RASSF2: variants seen among roughly 807,000 people sequenced by gnomAD.
The protein encoded by RASSF2 is Ras association domain family member 2.
Under a neutral mutation model 46.3 loss-of-function variants are expected in RASSF2, and 34 were observed. That is an observed-to-expected ratio of 0.73 (90% CI 0.56 to 0.98). RASSF2 has a LOEUF of 0.98. Ranked by LOEUF, RASSF2 falls within the 50% of genes least tolerant of loss-of-function variation. The pLI, the probability that RASSF2 is intolerant of heterozygous loss-of-function variation, is 0.00. For missense variants in RASSF2, 364 were observed against 431.2 expected, an observed-to-expected ratio of 0.84 and a Z score of 1.38; for synonymous variants, 158 against 162.5, an observed-to-expected ratio of 0.97 and a Z score of 0.21.
At chr20:4,804,101 T>C (rs1216336239) in intron 2 of RASSF2, among the ~76,000 whole-genome samples, 1 of 151,952 alleles carries the variant, frequency 6.6e-6, no homozygotes, top group Non-Finnish European at 1.5e-5. Context: ...TAAAAATAAA[T>C]GTACTTTAAG....
intron 3 of RASSF2, among the ~76,000 whole-genome samples, chr20:4,800,003 C>T (rs1298046110): frequency 6.6e-6 from 1 of 151,948 alleles, no homozygotes; most frequent in African/African-American, 2.4e-5. Flanking sequence ...TCCCAGCTAC[C>T]TGGGAGGTTG....
At chr20:4,785,207 C>T (rs535225838) in intron 11 of RASSF2, among the ~76,000 whole-genome samples, 84 of 150,308 alleles carry the variant, frequency 5.6e-4, no homozygotes, top group African/African-American at 1.8e-3. Flanking sequence ...GATATGGTGG[C>T]GCATGCCTGT....
At chr20:4,801,136 G>A in intron 2 of RASSF2, 74 bp from the exon 3 acceptor site, 2 of 1,188,822 alleles carry the variant, frequency 1.7e-6, no homozygotes, top group South Asian at 2.5e-5. Context: ...TTGGGGTGGG[G>A]AGGGGGCACA....
chr20:4,801,106 G>T, intron 2 of RASSF2, 44 bp from the exon 3 acceptor site: 1 of 1,517,208 alleles, frequency 6.6e-7, no homozygotes, highest in Non-Finnish European at 9.1e-7. Context: ...CAAGTTGTGT[G>T]CTTGGGAACT....
intron 3 of RASSF2, among the ~76,000 whole-genome samples, chr20:4,798,293 T>C (rs1185408121): frequency 6.6e-6 from 1 of 151,444 alleles, no homozygotes; most frequent in Non-Finnish European, 1.5e-5. Context: ...AAGTCAAGAG[T>C]GAGCACCACC....
chr20:4,810,654 A>G (rs563007338), intron 2 of RASSF2, among the ~76,000 whole-genome samples: 1 of 152,328 alleles, frequency 6.6e-6, no homozygotes, highest in South Asian at 2.1e-4. Context: ...CCAGGGTGAG[A>G]GAGGGGAAGA....
chr20:4,785,674 C>A (rs1246979479), intron 11 of RASSF2, among the ~76,000 whole-genome samples: 1 of 152,146 alleles, frequency 6.6e-6, no homozygotes, highest in Non-Finnish European at 1.5e-5. Context: ...GCTAAGACAG[C>A]CTTCCTGAAA....
chr20:4,808,116 T>C (rs117752345), intron 2 of RASSF2, among the ~76,000 whole-genome samples: 481 of 152,294 alleles, frequency 3.2e-3, no homozygotes, highest in Non-Finnish European at 4.3e-3. Flanking sequence ...TTCAATTGGA[T>C]TCAACTGGAC....
At chr20:4,807,593 T>C (rs528278658) in intron 2 of RASSF2, among the ~76,000 whole-genome samples, 1 of 152,306 alleles carries the variant, frequency 6.6e-6, no homozygotes, top group African/African-American at 2.4e-5. Context: ...ACTTACCAGA[T>C]TGATACACAT....
intron 11 of RASSF2, among the ~76,000 whole-genome samples, chr20:4,785,254 A>G (rs1393650489): frequency 6.6e-6 from 1 of 152,074 alleles, no homozygotes; most frequent in Non-Finnish European, 1.5e-5. Flanking sequence ...CGGGAGAATC[A>G]CTTGAGTCTG....
chr20:4,789,690 A>G lies in RASSF2; in HGVS notation c.545T>C (p.Val182Ala). The G allele has an allele frequency of 6.2e-7, 1 of 1,613,980 alleles. No homozygotes were observed. Among genetic ancestry groups the G allele is most frequent in the Non-Finnish European group, 8.5e-7 (1 of 1,179,944 alleles). Residue 182 changes from valine to alanine, a missense_variant, in exon 8 of 12, where the codon GTG becomes GCG. Transcript: ENST00000379400. ...GACAGAGCCATAGGCTGGTGTGAACACGGATGTCTGTCAATAGAAGGGCCC... is the reference window on the plus strand; with the variant it reads ...GACAGAGCCATAGGCTGGTGTGAACGCGGATGTCTGTCAATAGAAGGGCCC... ...NGHFYNHKTSVFTPAYGSVTN... is the reference protein window; with the variant it reads ...NGHFYNHKTSAFTPAYGSVTN...
At chr20:4,792,776 C>A in intron 5 of RASSF2, 149 bp from the exon 6 acceptor site, 2 of 1,430,194 alleles carry the variant, frequency 1.4e-6, no homozygotes, top group Non-Finnish European at 1.8e-6. Context: ...ATGAAGGGTG[C>A]AGATGGGCTG....
At chr20:4,787,563 C>T in intron 10 of RASSF2, 70 bp downstream of exon 10, 1 of 1,597,608 alleles carries the variant, frequency 6.3e-7, no homozygotes, top group South Asian at 1.1e-5. Flanking sequence ...ATTCTATACC[C>T]CAGTTACAGG....
At chr20:4,806,384 C>T (rs1249968077) in intron 2 of RASSF2, among the ~76,000 whole-genome samples, 2 of 152,222 alleles carry the variant, frequency 1.3e-5, no homozygotes, top group African/African-American at 2.4e-5. Flanking sequence ...ACACTGGAGT[C>T]TTTCCTCAGC....
rs375259522 is a variant in RASSF2 at position 4,817,142 on chromosome 20, G to A, written c.-33+5187C>T. ...TATATCATATTCTTCCACGTTAATA[G>A]CTACACACCTGCAGCCTATGTTTTT... On this transcript the variant is annotated intron_variant, in intron 2 of 11. Coordinates refer to ENST00000379400, the MANE Select transcript of RASSF2 (RefSeq NM_014737.3). Among the ~76,000 whole-genome samples the A allele has an allele frequency of 5.4e-4, 82 of 152,230 alleles. 2 individuals carry two copies. The South Asian group carries it at 0.016, about 29-fold the overall frequency.
At chr20:4,800,756 C>T (rs947191146) in intron 3 of RASSF2, among the ~76,000 whole-genome samples, 2 of 152,126 alleles carry the variant, frequency 1.3e-5, no homozygotes, top group African/African-American at 4.8e-5. Flanking sequence ...CTTTACTTCA[C>T]CTCCAGGCCA....
In RASSF2 at chr20:4,782,055, A is replaced by C. The variant is rs2422973; in HGVS notation, c.*2218T>G. On this transcript the variant is annotated 3_prime_UTR_variant, in exon 12 of 12. Coordinates refer to ENST00000379400, the MANE Select transcript of RASSF2 (RefSeq NM_014737.3). ...GTTGTGTGAGATGGGATCTCCTCTC[A>C]CTTCCACCTCCTGACCTCCCATCTT... is the stretch of plus-strand genomic sequence containing the variant. 37 of 152,252 alleles carry C rather than the reference A, an allele frequency of 2.4e-4. No individual in the cohort carries two copies. The highest frequency in any genetic ancestry group is 8.7e-4 in the African/African-American group (36 of 41,518). The allele number at this position is 152,252 out of a possible 1,614,324, so 9.4% of individuals were successfully genotyped here. A position where few individuals can be genotyped will look rare whatever the true frequency, so the allele number is the denominator to read the frequency against.
At chr20:4,799,061 C>G (rs566714602) in intron 3 of RASSF2, among the ~76,000 whole-genome samples, 1 of 152,134 alleles carries the variant, frequency 6.6e-6, no homozygotes, top group Admixed American at 6.5e-5. Context: ...ACAGAAAGTT[C>G]AAAATGGAGT....
rs1308990585 is a variant in RASSF2 at position 4,780,083 on chromosome 20, A to C, written c.*4190T>G. The C allele has an allele frequency of 6.6e-6, 1 of 152,524 alleles. No homozygotes were observed. The highest frequency in any genetic ancestry group is 2.4e-5 in the African/African-American group (1 of 41,436). 9.4% of individuals were successfully genotyped at this position (152,524 alleles called of 1,614,324 possible). ...AGTCAGATGCATTAAAACATATCAA[A>C]ATGTTACAAAAATGTATGGCTCCCT... is the stretch of plus-strand genomic sequence containing the variant. On this transcript the variant is annotated 3_prime_UTR_variant, in exon 12 of 12. Transcript: ENST00000379400.
Sources: gnomAD v4.1 joint callset for allele counts (sites outside exome capture counted in the v4.1 genomes callset) on GRCh38, gnomAD v4.1.1 for gene constraint, MANE v1.5 for transcripts, NCBI Gene and HGNC (gene_info 2026-07-23, HGNC 2026-07-21) for gene names.